AGPAT3: variants seen among roughly 807,000 people sequenced by gnomAD.
AGPAT3 encodes 1-acylglycerol-3-phosphate O-acyltransferase 3.
In AGPAT3, 5 loss-of-function variants were observed where a neutral mutation model predicts 47.3. The observed-to-expected ratio is 0.11, with a 90% CI of 0.06 to 0.22. The LOEUF (loss-of-function observed/expected upper bound fraction) is 0.22, where lower values mean the gene tolerates loss of function less well. Ranked by LOEUF, AGPAT3 falls within the 10% of genes least tolerant of loss-of-function variation. The pLI is 1.00. For missense variants in AGPAT3, 315 were observed against 493.0 expected (o/e 0.64, Z 3.42); for synonymous variants, 212 against 208.3 (o/e 1.02, Z -0.15).
intron 1 of AGPAT3, among the ~76,000 whole-genome samples, chr21:43,869,639 GGGA>G (rs2085579534): frequency 6.6e-6 from 1 of 152,270 alleles, no homozygotes; most frequent in South Asian, 2.1e-4. Flanking sequence ...AGCAGTGCTG[GGGA>G]GGAGGAGCCT....
intron 1 of AGPAT3, among the ~76,000 whole-genome samples, chr21:43,903,498 C>T (rs1285201869): frequency 6.6e-6 from 1 of 152,224 alleles, no homozygotes; most frequent in Non-Finnish European, 1.5e-5. Flanking sequence ...GGGGGCTGGG[C>T]TGGGCTGGAT....
chr21:43,977,644 G>A (rs1320824695), intron 7 of AGPAT3, among the ~76,000 whole-genome samples: 1 of 152,244 alleles, frequency 6.6e-6, no homozygotes, highest in Non-Finnish European at 1.5e-5. Flanking sequence ...TTGGGAGGCT[G>A]AGGCGGGTGG....
rs2087338186 is a variant in AGPAT3 at position 43,933,753 on chromosome 21, G to C, written c.-48-25881G>C. On this transcript the variant is annotated intron_variant, in intron 2 of 9. Coordinates refer to ENST00000291572, the MANE Select transcript of AGPAT3 (RefSeq NM_020132.5). The surrounding 1 kb of genome is among the most constrained non-coding windows in gnomAD (Gnocchi z 6.0). ...GAGAGAAGGACGCCGCATACCAGAT[G>C]CCCAGAGGCCCCGGCGGCCTCCATC... 6.6e-6 allele frequency among the ~76,000 whole-genome samples: 1 copy of C among 151,948 alleles called. No homozygotes were observed. Among genetic ancestry groups the C allele is most frequent in the Non-Finnish European group, 1.5e-5 (1 of 67,988 alleles).
chr21:43,898,464 C>G lies in AGPAT3; in HGVS notation c.-111-5493C>G, dbSNP rs150983895. ...TGTACGTTTTACACTCGGGAATATC[C>G]AAGGACCTGCAAGCATCCTTACCTT... On this transcript the variant is annotated intron_variant, in intron 1 of 9. Coordinates refer to ENST00000291572, the MANE Select transcript of AGPAT3 (RefSeq NM_020132.5). Among the ~76,000 whole-genome samples, 474 of 152,290 alleles carry G rather than the reference C, an allele frequency of 3.1e-3. 2 individuals are homozygous for G. Among genetic ancestry groups the G allele is most frequent in the African/African-American group, 0.011 (458 of 41,558 alleles).
At chr21:43,941,109 G>A (rs531235427) in intron 2 of AGPAT3, among the ~76,000 whole-genome samples, 4 of 152,268 alleles carry the variant, frequency 2.6e-5, no homozygotes, top group African/African-American at 9.6e-5. Context: ...CAGCTGGGGG[G>A]ACCCAAAAAC....
At chr21:43,881,809 C>T (rs1292775051) in intron 1 of AGPAT3, among the ~76,000 whole-genome samples, 2 of 152,148 alleles carry the variant, frequency 1.3e-5, no homozygotes, top group African/African-American at 4.8e-5. Flanking sequence ...GTGCATGCCA[C>T]CACGCCCGGC....
At chr21:43,897,746 G>A (rs949635452) in intron 1 of AGPAT3, among the ~76,000 whole-genome samples, 6 of 152,208 alleles carry the variant, frequency 3.9e-5, no homozygotes, top group Non-Finnish European at 7.3e-5. Context: ...GGTGGCAGCC[G>A]GGCAGAGGCT....
chr21:43,968,885 C>T (rs1278149811), intron 4 of AGPAT3, among the ~76,000 whole-genome samples: 1 of 152,156 alleles, frequency 6.6e-6, no homozygotes, highest in Non-Finnish European at 1.5e-5. Flanking sequence ...TCCGGCTCAT[C>T]CACCTTCCCT....
At chr21:43,873,794 A>T (rs1158118221) in intron 1 of AGPAT3, among the ~76,000 whole-genome samples, 1 of 152,196 alleles carries the variant, frequency 6.6e-6, no homozygotes, top group African/African-American at 2.4e-5. Context: ...TTTCTTTTCT[A>T]GATTCATCTC....
At chr21:43,873,245 C>T (rs1207481216) in intron 1 of AGPAT3, among the ~76,000 whole-genome samples, 5 of 152,180 alleles carry the variant, frequency 3.3e-5, no homozygotes, top group South Asian at 2.1e-4. Context: ...AAAATAACCT[C>T]GTGCTACATT....
chr21:43,917,368 C>T (rs2086755710), intron 2 of AGPAT3, among the ~76,000 whole-genome samples: 1 of 152,230 alleles, frequency 6.6e-6, no homozygotes, highest in Non-Finnish European at 1.5e-5. Context: ...GGTCTGCCGT[C>T]TGGTTGCAGG....
At chr21:43,951,230 A>AG (rs1317768291) in intron 2 of AGPAT3, among the ~76,000 whole-genome samples, 1 of 152,110 alleles carries the variant, frequency 6.6e-6, no homozygotes, top group African/African-American at 2.4e-5. Context: ...GAGAAGAGGA[A>AG]GGGGGGAAGG....
rs7281311 is a variant in AGPAT3, at chr21:43,948,557, A to C, written c.-48-11077A>C. 4.2e-3 allele frequency among the ~76,000 whole-genome samples: 636 copies of C among 152,198 alleles called. 4 individuals are homozygous for C. Among genetic ancestry groups the C allele is most frequent in the African/African-American group, 0.014 (595 of 41,518 alleles). ...ATAGCAGGAGGTTCTGTTACCAGCAAAGGGGGTAGTGGCAGGTAGGTAACT... is the reference window on the plus strand; with the variant it reads ...ATAGCAGGAGGTTCTGTTACCAGCACAGGGGGTAGTGGCAGGTAGGTAACT... On this transcript the variant is annotated intron_variant, in intron 2 of 9. Coordinates refer to ENST00000291572, the MANE Select transcript of AGPAT3 (RefSeq NM_020132.5).
chr21:43,941,401 A>G (rs755221512), intron 2 of AGPAT3, among the ~76,000 whole-genome samples: 8 of 152,110 alleles, frequency 5.3e-5, no homozygotes, highest in Non-Finnish European at 8.8e-5. Flanking sequence ...GATCAATACT[A>G]TTTACAAAGA....
intron 7 of AGPAT3, 106 bp downstream of exon 7, chr21:43,971,596 C>A: frequency 9.8e-7 from 1 of 1,025,386 alleles, no homozygotes; most frequent in South Asian, 1.4e-5. Context: ...GTCCCACAGC[C>A]CCGCAGGGTG....
chr21:43,970,824 C>A lies in AGPAT3; in HGVS notation c.664+18C>A. 1 of 1,508,866 alleles carries A rather than the reference C, an allele frequency of 6.6e-7. No homozygotes were observed. The highest frequency in any genetic ancestry group is 8.9e-7 in the Non-Finnish European group (1 of 1,124,878). The allele number at this position is 1,508,866 out of a possible 1,614,324, so 93.5% of individuals were successfully genotyped here. A position where few individuals can be genotyped will look rare whatever the true frequency, so the allele number is the denominator to read the frequency against. ...GGGGACAGGTAGGCCCCAGACTGCC[C>A]GAGCCGGGGCCACCGCTATGCTCAC... On this transcript the variant is annotated intron_variant, in intron 6 of 9. Coordinates refer to ENST00000291572, the MANE Select transcript of AGPAT3 (RefSeq NM_020132.5). The surrounding 1 kb of genome is among the most constrained non-coding windows in gnomAD (Gnocchi z 5.8).
At position 43,969,216 on chromosome 21, in the gene AGPAT3, G is replaced by C. The variant is rs1303937338; in HGVS notation, c.447G>C (p.Glu149Asp). Reference sequence around the variant, plus strand: ...TTGTGTTCTGCAAGCGGAAGTGGGAGGAGGACCGGGACACCGTGGTCGAAG... The same window carrying C: ...TTGTGTTCTGCAAGCGGAAGTGGGACGAGGACCGGGACACCGTGGTCGAAG... ...LEIVFCKRKW[E>D]EDRDTVVEGL... The change falls in exon 5 of 10, where the codon GAG (glutamate) becomes GAC (aspartate). Residue 149 changes from glutamate (E) to aspartate (D), a missense_variant. Transcript: ENST00000291572. 2 of 1,614,236 alleles carry C rather than the reference G, an allele frequency of 1.2e-6. No individual in the cohort carries two copies. The highest frequency in any genetic ancestry group is 1.7e-6 in the Non-Finnish European group (2 of 1,180,018).
At position 43,970,235 on chromosome 21, in the gene AGPAT3, T is replaced by A. The variant is rs1213143041; in HGVS notation, c.511-418T>A. Among the ~76,000 whole-genome samples, 4 of 152,144 alleles carry A rather than the reference T, an allele frequency of 2.6e-5. No homozygotes were observed. The highest frequency in any genetic ancestry group is 2.6e-4 in the Admixed American group (4 of 15,268). The stretch of plus-strand genomic sequence containing the variant: ...GTTGGCCAGGCTGGTCTTGAACTCC[T>A]GACCTCATGATCCACCCGCCTCGGC... On this transcript the variant is annotated intron_variant, in intron 5 of 9. Transcript: ENST00000291572. This position sits in a 1 kb window ranked among gnomAD's most constrained non-coding sequence, Gnocchi z 5.8.
intron 1 of AGPAT3, among the ~76,000 whole-genome samples, chr21:43,868,993 A>G (rs1291204164): frequency 3.3e-5 from 5 of 152,186 alleles, no homozygotes; most frequent in African/African-American, 2.4e-5. Flanking sequence ...GATCCAATAG[A>G]TGAAAATCTA....
Sources: allele counts gnomAD v4.1 joint callset (sites outside exome capture counted in the v4.1 genomes callset), GRCh38; gene constraint gnomAD v4.1.1; non-coding constraint Gnocchi (gnomAD v3.1); transcripts MANE v1.5; gene names NCBI Gene and HGNC (gene_info 2026-07-23, HGNC 2026-07-21).